CDKAL1: variants seen among roughly 807,000 people sequenced by gnomAD.
CDKAL1 encodes the protein CDKAL1 threonylcarbamoyladenosine tRNA methylthiotransferase, also known as threonylcarbamoyladenosine tRNA methylthiotransferase.
A neutral mutation model predicts 68.2 loss-of-function variants in CDKAL1; 32 were observed. That is an observed-to-expected ratio of 0.47 (90% CI 0.35 to 0.63). CDKAL1 has a LOEUF of 0.63. Among genes scored for constraint, CDKAL1 ranks in the 30% least tolerant of loss-of-function variants. The pLI is 0.00. For synonymous variants in CDKAL1, 234 were observed against 244.3 expected, an observed-to-expected ratio of 0.96 and a Z score of 0.39; for missense variants, 606 against 696.7, an observed-to-expected ratio of 0.87 and a Z score of 1.47.
At chr6:20,693,959 A>ATCTC (rs1434720774) in intron 5 of CDKAL1, among the ~76,000 whole-genome samples, 1 of 150,930 alleles carries the variant, frequency 6.6e-6, no homozygotes, top group Admixed American at 6.6e-5. Context: ...TGCAACCTCG[A>ATCTC]TCTCCCAGGC....
At chr6:20,862,679 GCGTGCGCA>G (rs1561839821) in intron 9 of CDKAL1, among the ~76,000 whole-genome samples, 8 of 151,980 alleles carry the variant, frequency 5.3e-5, no homozygotes, top group Non-Finnish European at 8.8e-5. Flanking sequence ...GTGCATGCGC[GCGTGCGCA>G]TATACCCATA....
intron 8 of CDKAL1, among the ~76,000 whole-genome samples, chr6:20,824,815 TG>T (rs57730458): frequency 0.31 from 46,882 of 152,002 alleles, 7,541 homozygotes; most frequent in East Asian, 0.53. Flanking sequence ...TATTCCAGTC[TG>T]TTGTTAAGAG....
chr6:20,942,340 A>G (rs1764009861), intron 9 of CDKAL1, among the ~76,000 whole-genome samples: 1 of 137,752 alleles, frequency 7.3e-6, no homozygotes, highest in East Asian at 2.1e-4. Flanking sequence ...ATATGTTATT[A>G]TTTTTGCTTT....
At chr6:21,119,214 A>T (rs531408725) in intron 13 of CDKAL1, among the ~76,000 whole-genome samples, 2 of 152,260 alleles carry the variant, frequency 1.3e-5, no homozygotes, top group East Asian at 3.9e-4. Flanking sequence ...GAATCAATGA[A>T]ATTTGCTAAT....
chr6:21,104,247 C>T (rs1041297589), intron 12 of CDKAL1, among the ~76,000 whole-genome samples: 2 of 152,190 alleles, frequency 1.3e-5, no homozygotes, highest in African/African-American at 4.8e-5. Flanking sequence ...GAAAACAAGA[C>T]AGCTAATTGT....
intron 15 of CDKAL1, among the ~76,000 whole-genome samples, chr6:21,211,140 ATATG>A (rs1779133492): frequency 6.6e-6 from 1 of 152,226 alleles, no homozygotes; most frequent in Non-Finnish European, 1.5e-5. Flanking sequence ...AGTTTCATGG[ATATG>A]GACTTTGAAG....
intron 5 of CDKAL1, among the ~76,000 whole-genome samples, chr6:20,732,175 A>G (rs1002203671): frequency 6.6e-6 from 1 of 151,008 alleles, no homozygotes; most frequent in Non-Finnish European, 1.5e-5. Flanking sequence ...CCTCCTGAGT[A>G]CCTGGGACTA....
At chr6:20,771,419 A>G (rs186675743) in intron 7 of CDKAL1, among the ~76,000 whole-genome samples, 32 of 152,266 alleles carry the variant, frequency 2.1e-4, no homozygotes, top group African/African-American at 7.5e-4. Context: ...TGGAAGTGAA[A>G]TGAAGGTCAG....
chr6:21,123,309 G>A (rs1774823200), intron 13 of CDKAL1, among the ~76,000 whole-genome samples: 1 of 152,036 alleles, frequency 6.6e-6, no homozygotes, highest in Non-Finnish European at 1.5e-5. Context: ...AGAAAAATTA[G>A]CCAGGTGTGG....
intron 9 of CDKAL1, among the ~76,000 whole-genome samples, chr6:20,861,550 TTC>T (rs1303123799): frequency 1.3e-5 from 2 of 152,264 alleles, no homozygotes; most frequent in Non-Finnish European, 2.9e-5. Context: ...TCCTGTTTCC[TTC>T]TCTCTCTATA....
intron 12 of CDKAL1, 69 bp downstream of exon 12, chr6:21,065,297 C>G: frequency 8.8e-7 from 1 of 1,141,484 alleles, no homozygotes; most frequent in East Asian, 2.5e-5. Flanking sequence ...TGTTGCCTAC[C>G]TTCACACAAC....
chr6:20,892,513 C>T (rs1437989061), intron 9 of CDKAL1, among the ~76,000 whole-genome samples: 1 of 151,986 alleles, frequency 6.6e-6, no homozygotes, highest in African/African-American at 2.4e-5. Flanking sequence ...GGCTAGGTGA[C>T]CCAGGGGTGA....
At chr6:20,626,338 G>C (rs1561977858) in intron 4 of CDKAL1, among the ~76,000 whole-genome samples, 2 of 152,062 alleles carry the variant, frequency 1.3e-5, no homozygotes, top group African/African-American at 4.8e-5. Context: ...CTAAAACCTT[G>C]ATCCTCCTCT....
intron 9 of CDKAL1, among the ~76,000 whole-genome samples, chr6:20,852,780 A>T (rs1323649417): frequency 1.3e-5 from 2 of 152,212 alleles, no homozygotes; most frequent in Non-Finnish European, 2.9e-5. Context: ...TACAAAGGAA[A>T]CTTGAAAAAG....
At chr6:20,913,770 C>T (rs1762585548) in intron 9 of CDKAL1, among the ~76,000 whole-genome samples, 1 of 152,144 alleles carries the variant, frequency 6.6e-6, no homozygotes, top group South Asian at 2.1e-4. Flanking sequence ...TGATTAAGGT[C>T]AGGAGTTCGA....
chr6:20,790,745 C>T (rs2150389930), intron 8 of CDKAL1, among the ~76,000 whole-genome samples: 1 of 152,268 alleles, frequency 6.6e-6, no homozygotes, highest in South Asian at 2.1e-4. Flanking sequence ...AGTGATGGAA[C>T]AGCTCTCAGT....
At chr6:21,097,017 AC>A (rs1773349981) in intron 12 of CDKAL1, among the ~76,000 whole-genome samples, 1 of 152,224 alleles carries the variant, frequency 6.6e-6, no homozygotes, top group African/African-American at 2.4e-5. Flanking sequence ...ATCTAGAAAT[AC>A]TAAAATTATT....
At chr6:20,980,100 T>G (rs1766039760) in intron 10 of CDKAL1, among the ~76,000 whole-genome samples, 1 of 152,078 alleles carries the variant, frequency 6.6e-6, no homozygotes, top group Non-Finnish European at 1.5e-5. Context: ...CTTGAAAGTC[T>G]TCTATTGATC....
chr6:20,987,872 T>C (rs936784309), intron 10 of CDKAL1, among the ~76,000 whole-genome samples: 1 of 151,682 alleles, frequency 6.6e-6, no homozygotes, highest in African/African-American at 2.4e-5. Context: ...CTTGACTTCC[T>C]GGGCTCATGT....
Sources: gnomAD v4.1 joint callset for allele counts (sites outside exome capture counted in the v4.1 genomes callset) on GRCh38, gnomAD v4.1.1 for gene constraint, MANE v1.5 for transcripts, NCBI Gene and HGNC (gene_info 2026-07-23, HGNC 2026-07-21) for gene names.